The following SYN1 variants were observed in gnomAD, a reference collection of about 807,000 sequenced individuals.
The protein encoded by SYN1 is synapsin-1.
A neutral mutation model predicts 44.6 loss-of-function variants in SYN1; 8 were observed. The observed-to-expected ratio is 0.18, with a 90% CI of 0.11 to 0.32. SYN1 has a LOEUF of 0.32. Ranked by LOEUF, SYN1 falls within the 10% of genes least tolerant of loss-of-function variation. SYN1 has a pLI of 1.00. For missense variants in SYN1, 451 were observed against 639.4 expected, an observed-to-expected ratio of 0.71 and a Z score of 3.18; for synonymous variants, 275 against 280.1, an observed-to-expected ratio of 0.98 and a Z score of 0.18.
intron 5 of SYN1, among the ~76,000 whole-genome samples, chrX:47,577,778 A>G (rs1332873520): frequency 4.7e-5 from 5 of 105,904 alleles, no homozygotes; most frequent in Non-Finnish European, 9.7e-5. Flanking sequence ...GAGGCATGGT[A>G]TGAGCGTGGG....
rs757667668 is a variant in SYN1, at chrX:47,609,005, GACAC to G, written c.378-1811_378-1808del. On this transcript the variant is annotated intron_variant, in intron 1 of 12. Coordinates refer to ENST00000295987, the MANE Select transcript of SYN1 (RefSeq NM_006950.3). ...ACTTCTTTTTCCTTGCTCTCTCTCT[GACAC>G]ACACACACACACACACACACACACA... is the stretch of plus-strand genomic sequence containing the variant. Among the ~76,000 whole-genome samples the G allele has an allele frequency of 4.9e-3, 424 of 87,360 alleles. 1 individual carries two copies. The highest frequency in any genetic ancestry group is 9.2e-3 in the African/African-American group (216 of 23,571). The allele number at this position is 87,360 out of a possible 115,157, so 75.9% of individuals were successfully genotyped here. A position where few individuals can be genotyped will look rare whatever the true frequency, so the allele number is the denominator to read the frequency against.
chrX:47,581,681 A>T (rs2057798819), intron 5 of SYN1, among the ~76,000 whole-genome samples: 1 of 112,284 alleles, frequency 8.9e-6, no homozygotes, highest in African/African-American at 3.2e-5. Flanking sequence ...TAAAACGGGA[A>T]TAAGAACCGG....
At position 47,575,716 on chromosome X, in the gene SYN1, C is replaced by T. The variant is rs757014330; in HGVS notation, c.1158+415G>A. ...AGTTGAGTAGTTACGGCAGAGGCTA[C>T]GTGGCCTACAAAGCCTAAAATATGT... On this transcript the variant is annotated intron_variant, in intron 9 of 12. Coordinates refer to ENST00000295987, the MANE Select transcript of SYN1 (RefSeq NM_006950.3). Among the ~76,000 whole-genome samples, 106 of 112,044 alleles carry T rather than the reference C, an allele frequency of 9.5e-4. 1 individual carries two copies. The highest frequency in any genetic ancestry group is 1.9e-3 in the Non-Finnish European group (101 of 53,212).
At chrX:47,614,643 C>G (rs1401741707) in intron 1 of SYN1, among the ~76,000 whole-genome samples, 1 of 111,662 alleles carries the variant, frequency 9.0e-6, no homozygotes, top group Admixed American at 9.5e-5. Context: ...ATATGCTCCC[C>G]CCAGATCCTT....
intron 5 of SYN1, among the ~76,000 whole-genome samples, chrX:47,580,137 G>A (rs1192511732): frequency 1.9e-5 from 2 of 107,829 alleles, no homozygotes; most frequent in African/African-American, 6.7e-5. Context: ...AGAGGCAATC[G>A]GGATTGATTA....
chrX:47,617,856 A>G (rs1350632594), intron 1 of SYN1, among the ~76,000 whole-genome samples: 2 of 111,737 alleles, frequency 1.8e-5, no homozygotes, highest in African/African-American at 6.5e-5. Context: ...GACAAGGAAT[A>G]AATGCTCACT....
At chrX:47,608,994 GCTCT>G (rs2057908969) in intron 1 of SYN1, among the ~76,000 whole-genome samples, 1 of 62,057 alleles carries the variant, frequency 1.6e-5, no homozygotes, top group South Asian at 6.9e-4. Context: ...CTTTTTCCTT[GCTCT>G]CTCTCTGACA....
chrX:47,593,067 G>GT (rs1192307165), intron 5 of SYN1, among the ~76,000 whole-genome samples: 3 of 109,132 alleles, frequency 2.7e-5, no homozygotes, highest in South Asian at 3.9e-4. Context: ...GTTTTGTTTT[G>GT]TTTTTTTGAT....
chrX:47,596,633 G>A (rs900224972), intron 5 of SYN1, among the ~76,000 whole-genome samples: 3 of 112,564 alleles, frequency 2.7e-5, no homozygotes, highest in Non-Finnish European at 5.6e-5. Flanking sequence ...CTAAGCTAAC[G>A]GAGCAGAGAC....
At chrX:47,582,505 A>C in intron 5 of SYN1, 3 of 319,584 alleles carry the variant, frequency 9.4e-6, no homozygotes, top group Non-Finnish European at 1.9e-5. Flanking sequence ...CCCAGCAGGG[A>C]CCGGAGCTGG....
At chrX:47,608,719 G>C (rs2057907565) in intron 1 of SYN1, among the ~76,000 whole-genome samples, 1 of 109,982 alleles carries the variant, frequency 9.1e-6, no homozygotes, top group African/African-American at 3.3e-5. Flanking sequence ...GCTGGGCTTG[G>C]TTTCCGGTGG....
intron 5 of SYN1, among the ~76,000 whole-genome samples, chrX:47,598,220 T>C (rs921609174): frequency 8.9e-6 from 1 of 112,017 alleles, no homozygotes; most frequent in Non-Finnish European, 1.9e-5. Context: ...TATAACTATG[T>C]TCATGGGCAC....
chrX:47,590,905 A>G, intron 5 of SYN1, among the ~76,000 whole-genome samples: 1 of 111,153 alleles, frequency 9.0e-6, no homozygotes, highest in Middle Eastern at 4.6e-3. Flanking sequence ...ATTTTATTTT[A>G]TTTTTGAGAC....
At chrX:47,594,719 C>A in intron 5 of SYN1, among the ~76,000 whole-genome samples, 1 of 92,376 alleles carries the variant, frequency 1.1e-5, no homozygotes, top group South Asian at 5.7e-4. Flanking sequence ...TTCTTTCTTT[C>A]TTTTCTTTTC....
chrX:47,602,620 G>A (rs757124664), intron 5 of SYN1, among the ~76,000 whole-genome samples: 12 of 108,708 alleles, frequency 1.1e-4, no homozygotes, highest in Admixed American at 8.9e-4. Context: ...CCAGCCTGGC[G>A]ACAGAGCGAG....
intron 5 of SYN1, chrX:47,585,001 A>T: frequency 8.3e-7 from 1 of 1,210,764 alleles, no homozygotes; most frequent in Non-Finnish European, 1.1e-6. Context: ...GCGTTATGAG[A>T]TCAAGATGAC....
Position 47,572,712 on chromosome X carries a change from C to T in SYN1, c.*152G>A, listed in dbSNP as rs952362075. ...TAGGGCCAGGAGGAGTCAGGTTTCT[C>T]AAGGTACTCGGGGATCTTGAGGAAT... On this transcript the variant is annotated 3_prime_UTR_variant, in exon 13 of 13. Coordinates refer to ENST00000295987, the MANE Select transcript of SYN1 (RefSeq NM_006950.3). 8.2e-5 allele frequency: 70 copies of T among 852,730 alleles called. No individual in the cohort carries two copies. The highest frequency in any genetic ancestry group is 1.0e-4 in the Non-Finnish European group (63 of 605,208). 70.3% of individuals were successfully genotyped at this position (852,730 alleles called of 1,213,427 possible). A position where few individuals can be genotyped will look rare whatever the true frequency, so the allele number is the denominator to read the frequency against.
At chrX:47,608,263 GAAGGAAGGAA>G (rs1172684596) in intron 1 of SYN1, among the ~76,000 whole-genome samples, 4 of 24,504 alleles carry the variant, frequency 1.6e-4, no homozygotes, top group South Asian at 1.5e-3. Flanking sequence ...AGGAAGGAAG[GAAGGAAGGAA>G]GGAAGGAAGG....
intron 5 of SYN1, among the ~76,000 whole-genome samples, chrX:47,586,960 G>A (rs1339092032): frequency 1.8e-5 from 2 of 112,902 alleles, no homozygotes; most frequent in Non-Finnish European, 3.7e-5. Flanking sequence ...CTGATGATCT[G>A]CAACAGCAGC....
Sources: gnomAD v4.1 joint callset for allele counts (sites outside exome capture counted in the v4.1 genomes callset) on GRCh38, gnomAD v4.1.1 for gene constraint, MANE v1.5 for transcripts, NCBI Gene and HGNC (gene_info 2026-07-23, HGNC 2026-07-21) for gene names.